The following KBTBD3 variants were observed in gnomAD, a reference collection of about 807,000 sequenced individuals.
KBTBD3 encodes the protein kelch repeat and BTB domain-containing protein 3.
A neutral mutation model predicts 49.6 loss-of-function variants in KBTBD3; 38 were observed. The observed-to-expected ratio is 0.77, with a 90% CI of 0.59 to 1.00. KBTBD3 has a LOEUF of 1.00. KBTBD3 is among the 50% of genes least tolerant of loss of function. KBTBD3 has a pLI of 0.00. For synonymous variants in KBTBD3, 214 were observed against 250.4 expected, an observed-to-expected ratio of 0.85 and a Z score of 1.37; for missense variants, 661 against 712.0, an observed-to-expected ratio of 0.93 and a Z score of 0.81.
At position 106,053,278 on chromosome 11, in the gene KBTBD3, G is replaced by C; in HGVS notation, c.1411C>G (p.Pro471Ala). ...SEVEITDAFN[P>A]SLDCFFKYNA... ...TATTTAAAAAAGCAATCAAGTGATG[G>C]GTTAAAAGCATCTGTAATCTCTACC... Residue 471 changes from proline to alanine, a missense_variant, in exon 4 of 4, where the codon CCA becomes GCA. By Grantham distance (27) the Pro-to-Ala change is conservative (BLOSUM62 -1). Transcript: ENST00000531837. 1 of 1,613,544 alleles carries C rather than the reference G, an allele frequency of 6.2e-7. No homozygotes were observed. The highest frequency in any genetic ancestry group is 8.5e-7 in the Non-Finnish European group (1 of 1,179,748).
intron 2 of KBTBD3, among the ~76,000 whole-genome samples, chr11:106,074,115 C>CT (rs929361000): frequency 9.2e-4 from 77 of 83,790 alleles, no homozygotes; most frequent in Non-Finnish European, 2.5e-3. Flanking sequence ...GCCGAACACC[C>CT]CCCCCCACAC....
At chr11:106,064,133 C>T (rs981359667) in intron 2 of KBTBD3, among the ~76,000 whole-genome samples, 3 of 152,030 alleles carry the variant, frequency 2.0e-5, no homozygotes, top group Admixed American at 1.3e-4. Flanking sequence ...TGAACACAAG[C>T]GCTATCATTG....
intron 1 of KBTBD3, among the ~76,000 whole-genome samples, chr11:106,077,094 TG>T (rs977493045): frequency 5.9e-5 from 9 of 151,984 alleles, no homozygotes; most frequent in African/African-American, 2.2e-4. Context: ...CTGATGCGGA[TG>T]GGGGCAGGGA....
At chr11:106,061,488 G>C (rs1029730956) in intron 2 of KBTBD3, among the ~76,000 whole-genome samples, 7 of 152,182 alleles carry the variant, frequency 4.6e-5, no homozygotes, top group African/African-American at 1.4e-4. Context: ...TTACTTCTGG[G>C]TATGTCTGTG....
intron 2 of KBTBD3, among the ~76,000 whole-genome samples, chr11:106,068,765 A>G (rs960986310): frequency 6.6e-6 from 1 of 152,204 alleles, no homozygotes; most frequent in Non-Finnish European, 1.5e-5. Context: ...ATCCCACACT[A>G]TGGACCAATA....
At chr11:106,068,740 CAAA>C (rs1860860436) in intron 2 of KBTBD3, among the ~76,000 whole-genome samples, 1 of 151,960 alleles carries the variant, frequency 6.6e-6, no homozygotes, top group African/African-American at 2.4e-5. Flanking sequence ...CCAAAACAAA[CAAA>C]CAAAAACCAA....
chr11:106,055,935 A>G (rs529347594), intron 3 of KBTBD3, among the ~76,000 whole-genome samples: 1 of 152,302 alleles, frequency 6.6e-6, no homozygotes, highest in African/African-American at 2.4e-5. Flanking sequence ...CATTCTATTA[A>G]TCTTAGAGTA....
In KBTBD3 at chr11:106,051,810, C is replaced by T. The variant is rs939871279; in HGVS notation, c.*1040G>A. ...ATTTTTTTTAATTTAGAAAATAATT[C>T]ACTAAGAATAATTTACTGAAGTAGT... On this transcript the variant is annotated 3_prime_UTR_variant, in exon 4 of 4. Coordinates refer to ENST00000531837, the MANE Select transcript of KBTBD3 (RefSeq NM_198439.3). 6.6e-6 allele frequency: 1 copy of T among 151,602 alleles called. No individual in the cohort carries two copies. The highest frequency in any genetic ancestry group is 1.5e-5 in the Non-Finnish European group (1 of 67,784). 9.4% of individuals were successfully genotyped at this position (151,602 alleles called of 1,614,324 possible).
At chr11:106,058,241 G>A (rs1263507169) in intron 3 of KBTBD3, among the ~76,000 whole-genome samples, 2 of 151,884 alleles carry the variant, frequency 1.3e-5, no homozygotes, top group East Asian at 2.0e-4. Flanking sequence ...AAAATTAGCC[G>A]GGTGTGGTGG....
At chr11:106,069,275 T>C (rs945305836) in intron 2 of KBTBD3, among the ~76,000 whole-genome samples, 2 of 151,944 alleles carry the variant, frequency 1.3e-5, no homozygotes, top group Admixed American at 6.6e-5. Context: ...ATAAAAGGCA[T>C]ATACATCGGA....
At position 106,052,944 on chromosome 11, in the gene KBTBD3, A is replaced by T. The variant is rs1443531810; in HGVS notation, c.1745T>A (p.Val582Asp). 3.1e-6 allele frequency: 5 copies of T among 1,613,572 alleles called. No individual in the cohort carries two copies. The African/African-American group carries it at 6.7e-5, about 22-fold the overall frequency. Residue 582 changes from valine (V) to aspartate (D), a missense_variant, in exon 4 of 4, where the codon GTT becomes GAT. By Grantham distance (152) the Val-to-Asp change is radical. Coordinates refer to ENST00000531837, the MANE Select transcript of KBTBD3 (RefSeq NM_198439.3). Reference sequence around the variant, plus strand: ...TGTTAAGGCTCTAGGCATTGGTGAAACTTCTTCCCATTCAGACCTGTTGCT... The same window carrying T: ...TGTTAAGGCTCTAGGCATTGGTGAATCTTCTTCCCATTCAGACCTGTTGCT... Reference protein sequence around the residue: ...YHSNRSEWEEVSPMPRALTEF... With the variant: ...YHSNRSEWEEDSPMPRALTEF...
chr11:106,071,039 G>C (rs1860907093), intron 2 of KBTBD3, among the ~76,000 whole-genome samples: 1 of 152,086 alleles, frequency 6.6e-6, no homozygotes, highest in African/African-American at 2.4e-5. Context: ...ACAGGGTGAA[G>C]GGTACATGGA....
At position 106,054,352 on chromosome 11, in the gene KBTBD3, C is replaced by T. The variant is rs879562988; in HGVS notation, c.337G>A (p.Gly113Arg). 3 of 1,612,630 alleles carry T rather than the reference C, an allele frequency of 1.9e-6. No individual in the cohort carries two copies. The highest frequency in any genetic ancestry group is 2.5e-6 in the Non-Finnish European group (3 of 1,179,380). Reference sequence around the variant, plus strand: ...TTATCATCTGTTATTTTTGTTTTTCCAGTATAGGCATAATCGAGAAATGCT... The same window carrying T: ...TTATCATCTGTTATTTTTGTTTTTCTAGTATAGGCATAATCGAGAAATGCT... ...VKAFLDYAYT[G>R]KTKITDDNVE... is the part of the protein sequence containing the mutation. Residue 113 changes from glycine to arginine, a missense_variant, in exon 4 of 4, where the codon GGA becomes AGA. Gly to Arg is a moderately radical substitution (Grantham distance 125). Coordinates refer to ENST00000531837, the MANE Select transcript of KBTBD3 (RefSeq NM_198439.3).
intron 2 of KBTBD3, among the ~76,000 whole-genome samples, chr11:106,072,333 T>C (rs1451322216): frequency 6.6e-6 from 1 of 152,222 alleles, no homozygotes; most frequent in Admixed American, 6.5e-5. Context: ...GCTCATATTG[T>C]TCTTTGTATG....
rs112395379 is a variant in KBTBD3, at chr11:106,058,581, G to A, written c.233+284C>T. Among the ~76,000 whole-genome samples the A allele has an allele frequency of 7.5e-3, 1,144 of 151,760 alleles. 19 individuals are homozygous for A. The highest frequency in any genetic ancestry group is 0.026 in the African/African-American group (1,075 of 41,428). On this transcript the variant is annotated intron_variant, in intron 3 of 3. Transcript: ENST00000531837. ...TGGGATTACAGGCGCACGCCATTGC[G>A]ACCGGCTAATTTTTGTATTTTTAGT...
chr11:106,066,135 T>A (rs1336250002), intron 2 of KBTBD3, among the ~76,000 whole-genome samples: 1 of 152,126 alleles, frequency 6.6e-6, no homozygotes, highest in Non-Finnish European at 1.5e-5. Context: ...AAATTCAATA[T>A]CTACATCCAC....
chr11:106,074,039 A>G (rs1860976173), intron 2 of KBTBD3, among the ~76,000 whole-genome samples: 1 of 152,132 alleles, frequency 6.6e-6, no homozygotes, highest in South Asian at 2.1e-4. Flanking sequence ...GTACTATTCT[A>G]GATACTAGAA....
At position 106,068,629 on chromosome 11, in the gene KBTBD3, C is replaced by G. The variant is rs868857290; in HGVS notation, c.-13+7878G>C. Among the ~76,000 whole-genome samples the G allele has an allele frequency of 5.9e-5, 9 of 151,868 alleles. No individual in the cohort carries two copies. The South Asian group carries it at 1.9e-3, about 32-fold the overall frequency. On this transcript the variant is annotated intron_variant, in intron 2 of 3. Coordinates refer to ENST00000531837, the MANE Select transcript of KBTBD3 (RefSeq NM_198439.3). ...CAAAAGTTTAAAGAAGAATTAATACCAGTTCTACACAACTTCTTCAAGAAA... is the reference window on the plus strand; with the variant it reads ...CAAAAGTTTAAAGAAGAATTAATACGAGTTCTACACAACTTCTTCAAGAAA...
At position 106,058,895 on chromosome 11, in the gene KBTBD3, C is replaced by T. The variant is rs567015919; in HGVS notation, c.203G>A (p.Cys68Tyr). 2 of 1,574,876 alleles carry T rather than the reference C, an allele frequency of 1.3e-6. No homozygotes were observed. Among genetic ancestry groups the T allele is most frequent in the Admixed American group, 2.0e-5 (1 of 49,320 alleles). Residue 68 changes from cysteine (C) to tyrosine (Y), a missense_variant, in exon 3 of 4, where the codon TGT becomes TAT. Cys to Tyr is a radical substitution (Grantham distance 194). Coordinates refer to ENST00000531837, the MANE Select transcript of KBTBD3 (RefSeq NM_198439.3). ...MKDEIIPCHRCVLAACSDFFR... is the reference protein window; with the variant it reads ...MKDEIIPCHRYVLAACSDFFR... Reference sequence around the variant, plus strand: ...AAAGTCACTGCATGCTGCTAACACACAACGATGACACGGGATTATTTCATC... The same window carrying T: ...AAAGTCACTGCATGCTGCTAACACATAACGATGACACGGGATTATTTCATC...
Sources: gnomAD v4.1 joint callset for allele counts (sites outside exome capture counted in the v4.1 genomes callset) on GRCh38, gnomAD v4.1.1 for gene constraint, MANE v1.5 for transcripts, NCBI Gene and HGNC (gene_info 2026-07-23, HGNC 2026-07-21) for gene names.